The following RBPMS variants were observed in gnomAD, a reference collection of about 807,000 sequenced individuals.
The protein encoded by RBPMS is RNA-binding protein with multiple splicing.
Under a neutral mutation model 26.8 loss-of-function variants are expected in RBPMS, and 7 were observed. The observed-to-expected ratio is 0.26, with a 90% CI of 0.15 to 0.49. The LOEUF is 0.49. Among genes scored for constraint, RBPMS ranks in the 20% least tolerant of loss-of-function variants. RBPMS has a pLI of 0.98. For synonymous variants in RBPMS, 96 were observed against 93.3 expected (o/e 1.03, Z -0.17); for missense variants, 186 against 250.0 (o/e 0.74, Z 1.73).
At chr8:30,411,946 A>C (rs188892619) in intron 1 of RBPMS, among the ~76,000 whole-genome samples, 2 of 150,892 alleles carry the variant, frequency 1.3e-5, no homozygotes, top group East Asian at 3.9e-4. Context: ...AGATCGCGCC[A>C]TTGCACTCCA....
chr8:30,521,645 G>A (rs1823038693), intron 5 of RBPMS, among the ~76,000 whole-genome samples: 1 of 152,072 alleles, frequency 6.6e-6, no homozygotes, highest in Admixed American at 6.6e-5. Context: ...TATCATGTGG[G>A]CATAATGTCC....
At chr8:30,423,362 C>T (rs997925650) in intron 1 of RBPMS, among the ~76,000 whole-genome samples, 1 of 152,170 alleles carries the variant, frequency 6.6e-6, no homozygotes, top group African/African-American at 2.4e-5. Flanking sequence ...TCTGGCAGGG[C>T]TTGGCACCTC....
chr8:30,549,648 G>T, intron 6 of RBPMS: 1 of 1,281,598 alleles, frequency 7.8e-7, no homozygotes, highest in Non-Finnish European at 1.1e-6. Flanking sequence ...GGGGAGGCCA[G>T]GCCTCATGCT....
chr8:30,448,508 C>T (rs909954791), intron 1 of RBPMS, among the ~76,000 whole-genome samples: 1 of 152,170 alleles, frequency 6.6e-6, no homozygotes, highest in African/African-American at 2.4e-5. Context: ...AAATTCAAGT[C>T]AAGGCATGTT....
chr8:30,449,671 C>T (rs147892984), intron 1 of RBPMS, among the ~76,000 whole-genome samples: 2 of 152,266 alleles, frequency 1.3e-5, no homozygotes, highest in Admixed American at 1.3e-4. Flanking sequence ...GTGCCCGGCC[C>T]ACACCTCCTT....
intron 1 of RBPMS, among the ~76,000 whole-genome samples, chr8:30,454,498 G>C (rs1357174238): frequency 6.6e-6 from 1 of 152,194 alleles, no homozygotes; most frequent in Non-Finnish European, 1.5e-5. Flanking sequence ...CATTAAACTT[G>C]TGAGTGTGCT....
intron 5 of RBPMS, among the ~76,000 whole-genome samples, chr8:30,538,167 T>C (rs554361625): frequency 6.6e-6 from 1 of 152,316 alleles, no homozygotes; most frequent in South Asian, 2.1e-4. Flanking sequence ...CTGCAGCACG[T>C]AGTACAGTTG....
chr8:30,441,892 C>T (rs1302374139), intron 1 of RBPMS, among the ~76,000 whole-genome samples: 2 of 152,172 alleles, frequency 1.3e-5, no homozygotes, highest in African/African-American at 2.4e-5. Flanking sequence ...TGGATTCAAG[C>T]GATTCTCCTG....
chr8:30,444,812 A>T (rs1813544660), intron 1 of RBPMS: 1 of 152,240 alleles, frequency 6.6e-6, no homozygotes, highest in African/African-American at 2.4e-5. Context: ...CAAAGATTTC[A>T]GATAAGTTCT....
At chr8:30,425,561 C>G (rs765460168) in intron 1 of RBPMS, among the ~76,000 whole-genome samples, 2 of 151,830 alleles carry the variant, frequency 1.3e-5, no homozygotes, top group African/African-American at 4.8e-5. Context: ...CACCACGCCC[C>G]GCTAAATTTT....
intron 1 of RBPMS, among the ~76,000 whole-genome samples, chr8:30,446,208 G>A (rs776260959): frequency 7.9e-5 from 12 of 151,984 alleles, no homozygotes; most frequent in Non-Finnish European, 1.0e-4. Flanking sequence ...TTATTCCTTC[G>A]TTCACTTTCC....
intron 8 of RBPMS, among the ~76,000 whole-genome samples, chr8:30,567,887 T>TG (rs1422166943): frequency 4.6e-5 from 7 of 152,154 alleles, no homozygotes; most frequent in African/African-American, 7.2e-5. Flanking sequence ...CACAATTTCT[T>TG]GGGGCCTTCC....
At chr8:30,426,259 G>A (rs1811341028) in intron 1 of RBPMS, among the ~76,000 whole-genome samples, 3 of 152,064 alleles carry the variant, frequency 2.0e-5, no homozygotes, top group South Asian at 2.1e-4. Flanking sequence ...TTTTCCTCAG[G>A]GACCAGTCAT....
chr8:30,447,143 T>G (rs1013522230), intron 1 of RBPMS, among the ~76,000 whole-genome samples: 1 of 152,232 alleles, frequency 6.6e-6, no homozygotes, highest in African/African-American at 2.4e-5. Context: ...TAATATGGTT[T>G]GAGTATCCAA....
intron 1 of RBPMS, among the ~76,000 whole-genome samples, chr8:30,414,996 C>G (rs1220186904): frequency 6.6e-6 from 1 of 152,184 alleles, no homozygotes; most frequent in African/African-American, 2.4e-5. Flanking sequence ...CGTGGTCCTG[C>G]ATTCCCATGG....
intron 1 of RBPMS, chr8:30,446,796 TGTGTG>T (rs1348781062): frequency 2.6e-4 from 10 of 39,092 alleles, no homozygotes; most frequent in Non-Finnish European, 4.6e-4. Context: ...ACACATGGCT[TGTGTG>T]TGTGTGTGTG....
chr8:30,509,574 A>G (rs1647275468), intron 5 of RBPMS, among the ~76,000 whole-genome samples: 2 of 152,222 alleles, frequency 1.3e-5, no homozygotes, highest in Admixed American at 6.5e-5. Context: ...TCCAGGGCCT[A>G]TCTAAAGCTT....
intron 5 of RBPMS, among the ~76,000 whole-genome samples, chr8:30,540,949 G>A (rs1390688748): frequency 6.6e-6 from 1 of 152,198 alleles, no homozygotes; most frequent in African/African-American, 2.4e-5. Context: ...CTGAAATCTG[G>A]AGCCAACGAG....
At chr8:30,429,698 C>T (rs1402116062) in intron 1 of RBPMS, among the ~76,000 whole-genome samples, 1 of 152,152 alleles carries the variant, frequency 6.6e-6, no homozygotes, top group Non-Finnish European at 1.5e-5. Context: ...GTTTTGGCTT[C>T]TTGGTGTCTA....
Sources: allele counts gnomAD v4.1 joint callset (sites outside exome capture counted in the v4.1 genomes callset), GRCh38; gene constraint gnomAD v4.1.1; transcripts MANE v1.5; gene names NCBI Gene and HGNC (gene_info 2026-07-23, HGNC 2026-07-21).